TK2: variants seen among roughly 807,000 people sequenced by gnomAD.
The protein encoded by TK2 is thymidine kinase 2, mitochondrial.
TK2 carries 35 observed loss-of-function variants against 41.9 expected under a neutral mutation model. That is an observed-to-expected ratio of 0.84 (90% CI 0.64 to 1.11). The LOEUF is 1.11. Among genes scored for constraint, TK2 ranks in the 50% least tolerant of loss-of-function variants. The probability of loss-of-function intolerance (pLI) is 0.00; values close to 1 mark genes in which losing one functional copy is unlikely to be tolerated. For synonymous variants in TK2, 128 were observed against 129.1 expected (o/e 0.99, Z 0.06); for missense variants, 320 against 351.1 (o/e 0.91, Z 0.71).
intron 6 of TK2, among the ~76,000 whole-genome samples, chr16:66,526,066 A>G (rs1265112181): frequency 6.6e-6 from 1 of 152,182 alleles, no homozygotes; most frequent in East Asian, 1.9e-4. Flanking sequence ...CATGGGCGTG[A>G]GTTACCAAAG....
At chr16:66,536,862 A>G in intron 4 of TK2, 102 bp downstream of exon 4, 4 of 1,371,290 alleles carry the variant, frequency 2.9e-6, no homozygotes, top group Non-Finnish European at 4.2e-6. Context: ...CTCAGTTAAG[A>G]GCGCAGAGAA....
intron 8 of TK2, among the ~76,000 whole-genome samples, chr16:66,516,415 A>G (rs1203014861): frequency 6.6e-6 from 1 of 152,258 alleles, no homozygotes; most frequent in African/African-American, 2.4e-5. Flanking sequence ...GGGCCGGGTC[A>G]TAAGCCGTAT....
chr16:66,529,529 A>G (rs1000387100), intron 5 of TK2, among the ~76,000 whole-genome samples: 5 of 152,216 alleles, frequency 3.3e-5, no homozygotes, highest in Admixed American at 2.6e-4. Context: ...GTTGGGGGTG[A>G]CGTTCTGGGG....
At chr16:66,542,018 T>C in intron 2 of TK2, 65 bp from the exon 3 acceptor site, 3 of 1,558,444 alleles carry the variant, frequency 1.9e-6, no homozygotes, top group Admixed American at 3.3e-5. Flanking sequence ...CAGGGAATAA[T>C]GGCTACGGAA....
chr16:66,517,038 G>A lies in TK2; in HGVS notation c.618+98C>T. The A allele has an allele frequency of 9.7e-7, 1 of 1,032,638 alleles. No homozygotes were observed. The highest frequency in any genetic ancestry group is 1.3e-5 in the South Asian group (1 of 79,232). 64.0% of individuals were successfully genotyped at this position (1,032,638 alleles called of 1,614,324 possible). ...TCCTGTTCTCTCTCTGCAAACAAGG[G>A]CACAATGATCTCATGGGGGTGGGGC... On this transcript the variant is annotated intron_variant, in intron 8 of 9. Transcript: ENST00000544898. This position sits in a 1 kb window ranked among gnomAD's most constrained non-coding sequence, Gnocchi z 4.3.
chr16:66,513,615 C>A lies in TK2; in HGVS notation c.699+116G>T. Reference sequence around the variant, plus strand: ...CACCAGCCTTCCCACCTTCCTTCTTCTAAGTTGTCAAACTCTAAAGGACTG... The same window carrying A: ...CACCAGCCTTCCCACCTTCCTTCTTATAAGTTGTCAAACTCTAAAGGACTG... On this transcript the variant is annotated intron_variant, in intron 9 of 9. Transcript: ENST00000544898. The A allele has an allele frequency of 5.3e-6, 5 of 943,158 alleles. No homozygotes were observed. The South Asian group carries it at 6.9e-5, about 13-fold the overall frequency. The allele number at this position is 943,158 out of a possible 1,614,324, so 58.4% of individuals were successfully genotyped here. A position where few individuals can be genotyped will look rare whatever the true frequency, so the allele number is the denominator to read the frequency against.
chr16:66,522,653 G>C (rs558653202), intron 6 of TK2, among the ~76,000 whole-genome samples: 2 of 152,290 alleles, frequency 1.3e-5, no homozygotes, highest in East Asian at 3.9e-4. Context: ...GATCACCTGA[G>C]GTCGGGAGTT....
intron 6 of TK2, among the ~76,000 whole-genome samples, chr16:66,521,373 C>T (rs1220915991): frequency 6.6e-6 from 1 of 152,218 alleles, no homozygotes; most frequent in Admixed American, 6.5e-5. Flanking sequence ...CTCCCACCCC[C>T]ATCACAGCCA....
chr16:66,541,572 C>T (rs982441925), intron 3 of TK2, among the ~76,000 whole-genome samples: 40 of 152,058 alleles, frequency 2.6e-4, no homozygotes, highest in African/African-American at 8.9e-4. Context: ...GCTACAGGCA[C>T]GTACCACCAT....
chr16:66,512,168 G>C (rs1964471193), intron 9 of TK2, 102 bp from the exon 10 acceptor site: 1 of 1,005,838 alleles, frequency 9.9e-7, no homozygotes. Context: ...AGGGGGCAGG[G>C]AAGGGCACAG....
intron 9 of TK2, among the ~76,000 whole-genome samples, chr16:66,513,495 T>G (rs1294480732): frequency 6.6e-6 from 1 of 152,198 alleles, no homozygotes; most frequent in South Asian, 2.1e-4. Flanking sequence ...CAGTGACAAC[T>G]GCCAGGTGTG....
intron 4 of TK2, among the ~76,000 whole-genome samples, chr16:66,533,789 C>T (rs1253293680): frequency 6.6e-6 from 1 of 151,864 alleles, no homozygotes; most frequent in Non-Finnish European, 1.5e-5. Flanking sequence ...GCGCGGATCA[C>T]GAGGTCAGGA....
In TK2 at chr16:66,514,772, T is replaced by C. The variant is rs1480647361; in HGVS notation, c.619-961A>G. On this transcript the variant is annotated intron_variant, in intron 8 of 9. Coordinates refer to ENST00000544898, the MANE Select transcript of TK2 (RefSeq NM_004614.5). This position sits in a 1 kb window ranked among gnomAD's most constrained non-coding sequence, Gnocchi z 4.2. ...AAAGAAAGATCAGATTGTTACTGTG[T>C]CTGTGTAGAAAGAAGTAGACATAGG... is the stretch of plus-strand genomic sequence containing the variant. 6.6e-6 allele frequency among the ~76,000 whole-genome samples: 1 copy of C among 152,180 alleles called. No homozygotes were observed. Among genetic ancestry groups the C allele is most frequent in the Non-Finnish European group, 1.5e-5 (1 of 68,022 alleles).
intron 2 of TK2, among the ~76,000 whole-genome samples, chr16:66,543,956 A>C (rs1020027226): frequency 2.0e-5 from 3 of 152,208 alleles, no homozygotes; most frequent in Admixed American, 2.0e-4. Flanking sequence ...CCATTAGGGC[A>C]CTAATGGATT....
chr16:66,529,217 A>G (rs1965032203), intron 5 of TK2, 150 bp from the exon 6 acceptor site: 2 of 774,816 alleles, frequency 2.6e-6, no homozygotes, highest in Admixed American at 2.0e-5. Flanking sequence ...GGACCTCCTC[A>G]CTCCCCTGCC....
intron 3 of TK2, among the ~76,000 whole-genome samples, chr16:66,539,971 G>A (rs1965406685): frequency 6.6e-6 from 1 of 152,112 alleles, no homozygotes; most frequent in African/African-American, 2.4e-5. Context: ...GGAATGGTGG[G>A]GGCCCTCCCA....
At chr16:66,539,139 A>G (rs929250759) in intron 3 of TK2, among the ~76,000 whole-genome samples, 1 of 152,172 alleles carries the variant, frequency 6.6e-6, no homozygotes, top group Non-Finnish European at 1.5e-5. Context: ...GTGAGACTAT[A>G]AGCACTTCTA....
At chr16:66,513,986 C>T (rs910605652) in intron 8 of TK2, 175 bp from the exon 9 acceptor site, 7 of 686,884 alleles carry the variant, frequency 1.0e-5, no homozygotes, top group African/African-American at 8.8e-5. Flanking sequence ...GCCACACACT[C>T]GGTGGCCAGG....
intron 4 of TK2, among the ~76,000 whole-genome samples, chr16:66,536,244 A>G (rs1049534841): frequency 6.6e-6 from 1 of 151,832 alleles, no homozygotes; most frequent in African/African-American, 2.4e-5. Context: ...CAGGCTTCCA[A>G]GTCCATTTAC....
Sources: gnomAD v4.1 joint callset for allele counts (sites outside exome capture counted in the v4.1 genomes callset) on GRCh38, gnomAD v4.1.1 for gene constraint, Gnocchi (gnomAD v3.1) non-coding constraint, MANE v1.5 for transcripts, NCBI Gene and HGNC (gene_info 2026-07-23, HGNC 2026-07-21) for gene names.